The following CASK variants were observed in gnomAD, a reference collection of about 807,000 sequenced individuals.
The protein encoded by CASK is calcium/calmodulin dependent serine protein kinase, also known as peripheral plasma membrane protein CASK.
CASK carries 4 observed loss-of-function variants against 82.9 expected under a neutral mutation model. The observed-to-expected ratio is 0.05, with a 90% confidence interval of 0.02 to 0.11. The LOEUF is 0.11. CASK is among the 10% of genes least tolerant of loss of function. CASK has a pLI of 1.00. For synonymous variants in CASK, 259 were observed against 253.5 expected (o/e 1.02, Z -0.20); for missense variants, 358 against 720.9 (o/e 0.50, Z 5.76).
chrX:41,823,210 TCTC>T (rs1432315720), intron 2 of CASK, among the ~76,000 whole-genome samples: 1 of 109,730 alleles, frequency 9.1e-6, no homozygotes, highest in Non-Finnish European at 1.9e-5. Context: ...TCTGGTTCCT[TCTC>T]CTGCCTGCAG....
At chrX:41,627,653 T>TGGTA (rs898291159) in intron 9 of CASK, among the ~76,000 whole-genome samples, 3 of 112,043 alleles carry the variant, frequency 2.7e-5, no homozygotes, top group African/African-American at 9.7e-5. Context: ...GGAGAACATG[T>TGGTA]GGTATTTGGG....
chrX:41,646,131 A>T (rs780325268), intron 8 of CASK, among the ~76,000 whole-genome samples: 1 of 111,749 alleles, frequency 8.9e-6, no homozygotes, highest in Non-Finnish European at 1.9e-5. Context: ...AGCTACAGAT[A>T]AAACAGGACA....
intron 2 of CASK, among the ~76,000 whole-genome samples, chrX:41,845,186 T>C (rs188058729): frequency 1.8e-5 from 2 of 112,267 alleles, no homozygotes; most frequent in Admixed American, 9.4e-5. Context: ...CAGATGTCTG[T>C]TAGGTCTAGT....
chrX:41,687,611 CTG>C (rs1373462417), intron 5 of CASK, among the ~76,000 whole-genome samples: 1 of 111,171 alleles, frequency 9.0e-6, no homozygotes, highest in Non-Finnish European at 1.9e-5. Flanking sequence ...CTTCTAGAAA[CTG>C]TTGCACAACA....
intron 22 of CASK, among the ~76,000 whole-genome samples, chrX:41,538,185 G>A (rs967518248): frequency 1.8e-5 from 2 of 110,988 alleles, no homozygotes; most frequent in Non-Finnish European, 3.8e-5. Flanking sequence ...TGAGTTTATG[G>A]GCTACTTTTT....
intron 1 of CASK, among the ~76,000 whole-genome samples, chrX:41,893,416 T>A (rs2072212654): frequency 8.9e-6 from 1 of 111,989 alleles, no homozygotes; most frequent in Non-Finnish European, 1.9e-5. Flanking sequence ...AGCCAACATG[T>A]AAAAGGTAGA....
At chrX:41,823,402 C>T (rs1481189936) in intron 2 of CASK, among the ~76,000 whole-genome samples, 1 of 110,071 alleles carries the variant, frequency 9.1e-6, no homozygotes, top group Non-Finnish European at 1.9e-5. Flanking sequence ...CCATTTTAAT[C>T]GCTACCCCTG....
At chrX:41,758,187 C>A (rs2068931858) in intron 3 of CASK, among the ~76,000 whole-genome samples, 1 of 111,486 alleles carries the variant, frequency 9.0e-6, no homozygotes. Flanking sequence ...GTAATCCCAG[C>A]ACTTTGGGAG....
intron 5 of CASK, among the ~76,000 whole-genome samples, chrX:41,693,657 T>C (rs2067622618): frequency 9.0e-6 from 1 of 111,520 alleles, no homozygotes; most frequent in African/African-American, 3.3e-5. Flanking sequence ...ACCAGAATCT[T>C]AGATCACAAG....
intron 5 of CASK, among the ~76,000 whole-genome samples, chrX:41,677,707 T>A (rs1340611180): frequency 1.8e-5 from 2 of 112,030 alleles, no homozygotes; most frequent in Non-Finnish European, 3.8e-5. Flanking sequence ...AAATGGGATG[T>A]AGAAGAAAGT....
At chrX:41,663,270 C>T (rs1030052184) in intron 7 of CASK, among the ~76,000 whole-genome samples, 10 of 111,254 alleles carry the variant, frequency 9.0e-5, no homozygotes, top group African/African-American at 2.9e-4. Flanking sequence ...AGAAAAAGGC[C>T]GAGATTCATC....
chrX:41,585,472 A>T (rs1306381967), intron 14 of CASK: 1 of 112,809 alleles, frequency 8.9e-6, no homozygotes, highest in Admixed American at 9.3e-5. Flanking sequence ...AGGGCCAGGC[A>T]CGGTGGCTTA....
chrX:41,923,226 G>T lies in CASK; in HGVS notation c.-238C>A, dbSNP rs1324398547. On this transcript the variant is annotated 5_prime_UTR_variant, in exon 1 of 27. Coordinates refer to ENST00000378163, the MANE Select transcript of CASK (RefSeq NM_001367721.1). Reference sequence around the variant, plus strand: ...GCGGGAGCGAGGGCGGCCCGGGCCCGGCGCCGCCCGCCCGCCCGCTGCTTC... The same window carrying T: ...GCGGGAGCGAGGGCGGCCCGGGCCCTGCGCCGCCCGCCCGCCCGCTGCTTC... 9.4e-6 allele frequency: 1 copy of T among 106,372 alleles called. No individual in the cohort carries two copies. Among genetic ancestry groups the T allele is most frequent in the African/African-American group, 3.3e-5 (1 of 30,027 alleles). The allele number at this position is 106,372 out of a possible 1,213,427, so 8.8% of individuals were successfully genotyped here.
chrX:41,812,198 C>G lies in CASK; in HGVS notation c.173-24915G>C, dbSNP rs755843813. Among the ~76,000 whole-genome samples the G allele has an allele frequency of 6.3e-5, 7 of 111,722 alleles. No homozygotes were observed. In the South Asian group the frequency reaches 1.1e-3, roughly 18 times the overall value. ...GGTACCATTTCTTCTGAAACTATTCCAATCAATAGAAAAAGAGGAAATCCT... is the reference window on the plus strand; with the variant it reads ...GGTACCATTTCTTCTGAAACTATTCGAATCAATAGAAAAAGAGGAAATCCT... On this transcript the variant is annotated intron_variant, in intron 2 of 26. Transcript: ENST00000378163.
At position 41,542,789 on chromosome X, in the gene CASK, G is replaced by T; in HGVS notation, c.2057C>A (p.Ala686Asp). The change falls in exon 22 of 27, where the codon GCC becomes GAC. Residue 686 changes from alanine to aspartate, a missense_variant. Ala to Asp is a moderately radical substitution (Grantham distance 126). This residue lies in a region of CASK where 19 missense variants were observed against 64.8 expected (regional missense o/e 0.29). Coordinates refer to ENST00000378163, the MANE Select transcript of CASK (RefSeq NM_001367721.1). The part of the protein sequence containing the change: ...ELQEWRVACI[A>D]MEKTKQEQQA... ...CTGCTCCTGTTTGGTCTTCTCCATG[G>T]CAATGCAAGCTACTCGCCTAGCACA... 8.5e-7 allele frequency: 1 copy of T among 1,176,234 alleles called. No individual in the cohort carries two copies. The highest frequency in any genetic ancestry group is 1.2e-6 in the Non-Finnish European group (1 of 863,615).
chrX:41,639,206 T>C (rs748314840), intron 8 of CASK, among the ~76,000 whole-genome samples: 72 of 109,054 alleles, frequency 6.6e-4, no homozygotes, highest in Non-Finnish European at 1.1e-3. Flanking sequence ...CCCGAGTAGC[T>C]GGGACTACAG....
intron 5 of CASK, among the ~76,000 whole-genome samples, chrX:41,731,343 C>A (rs1339580104): frequency 8.9e-6 from 1 of 111,869 alleles, no homozygotes; most frequent in Non-Finnish European, 1.9e-5. Flanking sequence ...TCTGTTGAGC[C>A]CAGGAGGTTG....
intron 5 of CASK, among the ~76,000 whole-genome samples, chrX:41,709,933 A>G (rs901950112): frequency 9.0e-6 from 1 of 111,205 alleles, no homozygotes; most frequent in African/African-American, 3.3e-5. Context: ...TAGAAATTCA[A>G]AAGAAGTGAT....
chrX:41,762,049 C>A (rs944906314), intron 3 of CASK, among the ~76,000 whole-genome samples: 2 of 111,708 alleles, frequency 1.8e-5, no homozygotes, highest in Admixed American at 1.9e-4. Flanking sequence ...CTTATTTAAT[C>A]CTCATAAAAA....
Sources: allele counts gnomAD v4.1 joint callset (sites outside exome capture counted in the v4.1 genomes callset), GRCh38; gene constraint gnomAD v4.1.1; regional missense constraint gnomAD v4.1.1; transcripts MANE v1.5; gene names NCBI Gene and HGNC (gene_info 2026-07-23, HGNC 2026-07-21).